WWOX: variants seen among roughly 807,000 people sequenced by gnomAD.
WWOX encodes the protein WW domain-containing oxidoreductase.
Under a neutral mutation model 46.2 loss-of-function variants are expected in WWOX, and 69 were observed. The ratio of observed to expected loss-of-function variants is 1.49; its 90% confidence interval spans 1.23 to 1.82. The LOEUF (loss-of-function observed/expected upper bound fraction) is 1.82. WWOX is among the 40% of genes most tolerant of loss of function. The pLI, the probability that WWOX is intolerant of heterozygous loss-of-function variation, is 0.00. For synonymous variants in WWOX, 359 were observed against 202.6 expected, an observed-to-expected ratio of 1.77 and a Z score of -6.56; for missense variants, 919 against 542.6, an observed-to-expected ratio of 1.69 and a Z score of -6.89.
intron 8 of WWOX, among the ~76,000 whole-genome samples, chr16:79,122,383 C>G (rs1351123582): frequency 1.3e-5 from 2 of 152,172 alleles, no homozygotes; most frequent in African/African-American, 4.8e-5. Context: ...CGCACAAAAT[C>G]CTCCAATATT....
chr16:78,929,082 G>A (rs1197346079), intron 8 of WWOX, among the ~76,000 whole-genome samples: 1 of 152,162 alleles, frequency 6.6e-6, no homozygotes, highest in African/African-American at 2.4e-5. Flanking sequence ...GAACATCCAA[G>A]TAGACATCAT....
chr16:79,125,294 G>A (rs993253258), intron 8 of WWOX, among the ~76,000 whole-genome samples: 1 of 152,078 alleles, frequency 6.6e-6, no homozygotes, highest in East Asian at 1.9e-4. Context: ...CCAAACCTCC[G>A]TAATTGTCTT....
chr16:78,956,003 C>G (rs565535145), intron 8 of WWOX, among the ~76,000 whole-genome samples: 2 of 151,070 alleles, frequency 1.3e-5, no homozygotes, highest in South Asian at 2.1e-4. Context: ...AAAAAAAACA[C>G]AAAAAAAACT....
intron 8 of WWOX, among the ~76,000 whole-genome samples, chr16:78,744,949 A>G (rs2049313309): frequency 6.6e-6 from 1 of 152,120 alleles, no homozygotes; most frequent in South Asian, 2.1e-4. Flanking sequence ...TCCCTACCTG[A>G]TTCAGGCTGC....
intron 8 of WWOX, among the ~76,000 whole-genome samples, chr16:79,183,967 C>T (rs1020093807): frequency 2.6e-5 from 4 of 152,194 alleles, no homozygotes; most frequent in African/African-American, 9.6e-5. Context: ...TCGTGCTTGC[C>T]TTTGCCCTTG....
chr16:78,410,934 A>C (rs866715521), intron 6 of WWOX, among the ~76,000 whole-genome samples: 1 of 152,138 alleles, frequency 6.6e-6, no homozygotes, highest in Non-Finnish European at 1.5e-5. Context: ...ACTGAAAGCT[A>C]TAATTCCTGA....
chr16:78,652,781 C>T (rs887916110), intron 8 of WWOX, among the ~76,000 whole-genome samples: 6 of 152,118 alleles, frequency 3.9e-5, no homozygotes, highest in East Asian at 1.9e-4. Flanking sequence ...TTCTTTAATA[C>T]GTGTATATAT....
chr16:78,402,513 G>A (rs2082437059), intron 6 of WWOX, among the ~76,000 whole-genome samples: 1 of 152,104 alleles, frequency 6.6e-6, no homozygotes, highest in South Asian at 2.1e-4. Flanking sequence ...AAGTAGGGTT[G>A]GAGGTCCGTA....
At chr16:78,535,392 G>T (rs2043733990) in intron 8 of WWOX, 1 of 152,154 alleles carries the variant, frequency 6.6e-6, no homozygotes, top group Admixed American at 6.5e-5. Context: ...TCCAACTACT[G>T]ACTTTTATTG....
At chr16:78,398,154 C>T (rs1446878364) in intron 6 of WWOX, among the ~76,000 whole-genome samples, 1 of 152,144 alleles carries the variant, frequency 6.6e-6, no homozygotes, top group Non-Finnish European at 1.5e-5. Flanking sequence ...CGTGATCACT[C>T]TCAAGTGCAA....
chr16:78,655,705 T>G (rs2047065359), intron 8 of WWOX, among the ~76,000 whole-genome samples: 1 of 152,216 alleles, frequency 6.6e-6, no homozygotes, highest in South Asian at 2.1e-4. Flanking sequence ...ATTAATTATT[T>G]ACTATTTCCT....
At position 78,886,526 on chromosome 16, in the gene WWOX, A is replaced by AT. The variant is rs1486532970; in HGVS notation, c.1057-325081dup. ...ATCTGATCTTCAGAGAAGTTTTAAGATAGATGTCTAGAATTTCATCTCACA... is the reference window on the plus strand; with the variant it reads ...ATCTGATCTTCAGAGAAGTTTTAAGATTAGATGTCTAGAATTTCATCTCACA... On this transcript the variant is annotated intron_variant, in intron 8 of 8. Coordinates refer to ENST00000566780, the MANE Select transcript of WWOX (RefSeq NM_016373.4). Among the ~76,000 whole-genome samples the AT allele has an allele frequency of 8.6e-5, 13 of 151,694 alleles. No individual in the cohort carries two copies. In the East Asian group the frequency reaches 2.5e-3, roughly 29 times the overall value.
intron 5 of WWOX, among the ~76,000 whole-genome samples, chr16:78,184,793 T>C (rs2035644416): frequency 1.3e-5 from 2 of 152,148 alleles, no homozygotes; most frequent in African/African-American, 4.8e-5. Flanking sequence ...GAGAGATGTC[T>C]GGGAAAGAAT....
intron 8 of WWOX, among the ~76,000 whole-genome samples, chr16:78,762,880 T>A (rs1940908279): frequency 6.6e-6 from 1 of 152,164 alleles, no homozygotes; most frequent in South Asian, 2.1e-4. Context: ...GAAGGACTCA[T>A]GGTAGTTAAC....
At chr16:78,366,107 TTGG>T (rs1321343358) in intron 5 of WWOX, among the ~76,000 whole-genome samples, 11 of 152,202 alleles carry the variant, frequency 7.2e-5, no homozygotes, top group African/African-American at 2.2e-4. Flanking sequence ...ATTAGCATAC[TTGG>T]GAAATGTCTA....
intron 8 of WWOX, among the ~76,000 whole-genome samples, chr16:78,931,646 C>T (rs959927034): frequency 6.6e-6 from 1 of 152,186 alleles, no homozygotes; most frequent in Non-Finnish European, 1.5e-5. Flanking sequence ...GCAGAATATG[C>T]AGTCATGGAG....
At chr16:78,125,710 T>G (rs2033333407) in intron 4 of WWOX, among the ~76,000 whole-genome samples, 1 of 152,104 alleles carries the variant, frequency 6.6e-6, no homozygotes, top group Admixed American at 6.5e-5. Flanking sequence ...AAATCAAATT[T>G]TTTTTAAAAG....
intron 5 of WWOX, among the ~76,000 whole-genome samples, chr16:78,280,380 T>C (rs961754515): frequency 1.3e-5 from 2 of 152,212 alleles, no homozygotes; most frequent in Non-Finnish European, 2.9e-5. Context: ...ATGCAATAAC[T>C]TCTGCGAAAC....
At chr16:79,010,579 A>G (rs748470680) in intron 8 of WWOX, among the ~76,000 whole-genome samples, 1 of 152,202 alleles carries the variant, frequency 6.6e-6, no homozygotes, top group Non-Finnish European at 1.5e-5. Context: ...TGAAATAAAT[A>G]TATGATAAAT....
Sources: allele counts gnomAD v4.1 joint callset (sites outside exome capture counted in the v4.1 genomes callset), GRCh38; gene constraint gnomAD v4.1.1; transcripts MANE v1.5; gene names NCBI Gene and HGNC (gene_info 2026-07-23, HGNC 2026-07-21).